The following GPCPD1 variants were observed in gnomAD, a reference collection of about 807,000 sequenced individuals.
GPCPD1 encodes glycerophosphocholine phosphodiesterase GPCPD1.
In GPCPD1, 29 loss-of-function variants were observed where a neutral mutation model predicts 89.2. That is an observed-to-expected ratio of 0.33 (90% CI 0.24 to 0.44). The LOEUF (loss-of-function observed/expected upper bound fraction) is 0.44, where lower values mean the gene tolerates loss of function less well. Ranked by LOEUF, GPCPD1 falls within the 20% of genes least tolerant of loss-of-function variation. The probability of loss-of-function intolerance (pLI) is 1.00; values close to 1 mark genes in which losing one functional copy is unlikely to be tolerated. For synonymous variants in GPCPD1, 258 were observed against 266.3 expected, an observed-to-expected ratio of 0.97 and a Z score of 0.30; for missense variants, 594 against 808.9, an observed-to-expected ratio of 0.73 and a Z score of 3.22.
chr20:5,575,555 GAA>G lies in GPCPD1; in HGVS notation c.869-12_869-11del. 2.0e-6 allele frequency: 3 copies of G among 1,525,474 alleles called. No homozygotes were observed. The highest frequency in any genetic ancestry group is 4.5e-5 in the East Asian group (2 of 44,070). The allele number at this position is 1,525,474 out of a possible 1,614,324, so 94.5% of individuals were successfully genotyped here. A position where few individuals can be genotyped will look rare whatever the true frequency, so the allele number is the denominator to read the frequency against. Reference sequence around the variant, plus strand: ...ATAATTATATAGTCAACTTTCATAGGAAAAAAGAGGGAGGAACAAAAATAAAA... The same window carrying G: ...ATAATTATATAGTCAACTTTCATAGGAAAAGAGGGAGGAACAAAAATAAAA... On this transcript the variant is annotated splice_polypyrimidine_tract_variant and intron_variant, in intron 9 of 19. Transcript: ENST00000379019.
chr20:5,581,814 CTTTTTTTTT>C (rs11479995), intron 6 of GPCPD1, among the ~76,000 whole-genome samples: 12 of 75,028 alleles, frequency 1.6e-4, no homozygotes, highest in Middle Eastern at 8.5e-3. Context: ...GGGACTTTAA[CTTTTTTTTT>C]TTTTTTTTTT....
At chr20:5,558,918 C>G (rs41282126) in intron 17 of GPCPD1, 99 bp from the exon 18 acceptor site, 1 of 899,100 alleles carries the variant, frequency 1.1e-6, no homozygotes, top group African/African-American at 1.7e-5. Flanking sequence ...AGAAAACAAA[C>G]GAGGCCGGGC....
intron 4 of GPCPD1, among the ~76,000 whole-genome samples, chr20:5,591,723 C>T (rs901440379): frequency 1.2e-4 from 18 of 152,076 alleles, no homozygotes; most frequent in Non-Finnish European, 2.4e-4. Context: ...ATTTAAAAAG[C>T]GCCACCAACT....
chr20:5,565,224 T>A (rs1600729645), intron 14 of GPCPD1, 146 bp from the exon 15 acceptor site: 1 of 550,696 alleles, frequency 1.8e-6, no homozygotes, highest in Non-Finnish European at 3.2e-6. Context: ...AACTCTGAGA[T>A]CCCTTTTTTT....
intron 7 of GPCPD1, among the ~76,000 whole-genome samples, chr20:5,579,005 T>C (rs1978314987): frequency 2.0e-5 from 3 of 152,170 alleles, no homozygotes; most frequent in South Asian, 2.1e-4. Flanking sequence ...CTAGGCAACA[T>C]GGTGAAACCC....
intron 8 of GPCPD1, among the ~76,000 whole-genome samples, chr20:5,577,294 T>TA (rs568512732): frequency 2.0e-3 from 308 of 151,882 alleles, no homozygotes; most frequent in Non-Finnish European, 3.8e-3. Flanking sequence ...GTGCTGGGAT[T>TA]ACAAGCATGA....
In GPCPD1 at chr20:5,565,200, G is replaced by A. The variant is rs114050891; in HGVS notation, c.1268-122C>T. ...AGAGAGAGTGTGTGTGTGAGCAAGC[G>A]CGAGAGCATAAGTAACTCTGAGATC... On this transcript the variant is annotated intron_variant, in intron 14 of 19. Transcript: ENST00000379019. The A allele has an allele frequency of 3.1e-3, 1,973 of 645,552 alleles. 19 individuals are homozygous for A. The highest frequency in any genetic ancestry group is 0.03 in the African/African-American group (1,597 of 53,694). The allele number at this position is 645,552 out of a possible 1,614,324, so 40.0% of individuals were successfully genotyped here.
chr20:5,562,303 G>A (rs6085207), intron 15 of GPCPD1, among the ~76,000 whole-genome samples: 17 of 152,086 alleles, frequency 1.1e-4, no homozygotes, highest in Non-Finnish European at 2.1e-4. Context: ...TTATTTTTGA[G>A]GCATAGTCTC....
At chr20:5,604,612 G>GGGGA (rs1491223576) in intron 1 of GPCPD1, among the ~76,000 whole-genome samples, 172 bp from the exon 2 acceptor site, 1 of 17,076 alleles carries the variant, frequency 5.9e-5, no homozygotes, top group Non-Finnish European at 1.3e-4. Flanking sequence ...ACTTTAGTGC[G>GGGGA]GGGGGGGGGG....
At chr20:5,555,317 C>T (rs906093054) in intron 19 of GPCPD1, among the ~76,000 whole-genome samples, 10 of 152,100 alleles carry the variant, frequency 6.6e-5, no homozygotes, top group African/African-American at 9.7e-5. Flanking sequence ...GCAGGCAGAT[C>T]ACCTGAGGTC....
At chr20:5,561,912 A>T (rs528993566) in intron 15 of GPCPD1, among the ~76,000 whole-genome samples, 8 of 152,228 alleles carry the variant, frequency 5.3e-5, no homozygotes, top group Non-Finnish European at 1.2e-4. Flanking sequence ...GCATTTGGGG[A>T]TGTCAATCTA....
intron 8 of GPCPD1, 68 bp from the exon 9 acceptor site, chr20:5,576,046 C>CACACACACACACACAG: frequency 1.6e-6 from 1 of 622,690 alleles, no homozygotes; most frequent in Admixed American, 2.6e-5. Flanking sequence ...CATATACACA[C>CACACACACACACACAG]ACACACACAC....
chr20:5,605,552 G>C (rs1266934610), intron 1 of GPCPD1, among the ~76,000 whole-genome samples: 1 of 152,144 alleles, frequency 6.6e-6, no homozygotes, highest in African/African-American at 2.4e-5. Flanking sequence ...GCCGAGGAGG[G>C]CAGATCACTT....
rs1209795104 is a variant in GPCPD1, at chr20:5,546,686, T to C, written c.*975A>G. ...TTTTTCTGCATGGAAATTTAACTAC[T>C]GTATAACACACGCACATACAAAACA... On this transcript the variant is annotated 3_prime_UTR_variant, in exon 20 of 20. Transcript: ENST00000379019. The C allele has an allele frequency of 2.0e-5, 3 of 152,600 alleles. No individual in the cohort carries two copies. The East Asian group carries it at 5.8e-4, about 29-fold the overall frequency. 9.5% of individuals were successfully genotyped at this position (152,600 alleles called of 1,614,324 possible). A position where few individuals can be genotyped will look rare whatever the true frequency, so the allele number is the denominator to read the frequency against.
chr20:5,594,522 G>C (rs1306737342), intron 3 of GPCPD1, among the ~76,000 whole-genome samples: 3 of 151,926 alleles, frequency 2.0e-5, no homozygotes, highest in African/African-American at 7.3e-5. Context: ...TCGATCTCCT[G>C]ACCTCATGAT....
At chr20:5,600,988 T>A (rs1980093590) in intron 2 of GPCPD1, among the ~76,000 whole-genome samples, 1 of 151,796 alleles carries the variant, frequency 6.6e-6, no homozygotes, top group Non-Finnish European at 1.5e-5. Context: ...AGACTCTGTC[T>A]CGAAAAAAAT....
intron 19 of GPCPD1, among the ~76,000 whole-genome samples, chr20:5,550,149 G>C (rs1020879890): frequency 4.0e-5 from 6 of 151,388 alleles, no homozygotes; most frequent in African/African-American, 1.5e-4. Flanking sequence ...AGCCCAGATC[G>C]CACCACTGAA....
At chr20:5,549,277 T>C in intron 19 of GPCPD1, 4 of 876,620 alleles carry the variant, frequency 4.6e-6, no homozygotes, top group South Asian at 3.9e-5. Context: ...ATGATATATG[T>C]GCAGCTGTTC....
At chr20:5,565,352 C>G (rs1382782720) in intron 14 of GPCPD1, among the ~76,000 whole-genome samples, 1 of 151,942 alleles carries the variant, frequency 6.6e-6, no homozygotes, top group Non-Finnish European at 1.5e-5. Flanking sequence ...CAGCCTCAGA[C>G]TCCCGAGTAG....
Sources: allele counts gnomAD v4.1 joint callset (sites outside exome capture counted in the v4.1 genomes callset), GRCh38; gene constraint gnomAD v4.1.1; transcripts MANE v1.5; gene names NCBI Gene and HGNC (gene_info 2026-07-23, HGNC 2026-07-21).